Variants in LGALS9 observed in about 807,000 individuals in gnomAD.
The protein encoded by LGALS9 is galectin-9.
A neutral mutation model predicts 35.9 loss-of-function variants in LGALS9; 26 were observed. The ratio of observed to expected loss-of-function variants is 0.72; its 90% CI spans 0.53 to 1.01. The LOEUF is 1.01. Ranked by LOEUF, LGALS9 falls within the 50% of genes least tolerant of loss-of-function variation. The pLI is 0.00. For synonymous variants in LGALS9, 149 were observed against 172.2 expected, an observed-to-expected ratio of 0.87 and a Z score of 1.06; for missense variants, 347 against 445.8, an observed-to-expected ratio of 0.78 and a Z score of 1.99.
intron 3 of LGALS9, among the ~76,000 whole-genome samples, chr17:27,641,577 G>C (rs1904504445): frequency 6.6e-6 from 1 of 152,178 alleles, no homozygotes; most frequent in South Asian, 2.1e-4. Flanking sequence ...TGCTGGGCTT[G>C]ATACCAAGGT....
rs1317028295 is a variant in LGALS9, at chr17:27,647,293, G to C, written c.782G>C (p.Gly261Ala). Reference protein sequence around the residue: ...AQRFHINLCSGNHIAFHLNPR... With the variant: ...AQRFHINLCSANHIAFHLNPR... ...AGGTTCCACATCAACCTGTGCTCTG[G>C]GAACCACATCGCCTTCCACCTGAAC... is the stretch of plus-strand genomic sequence containing the variant. Residue 261 changes from glycine to alanine, a missense_variant, in exon 10 of 11, where the codon GGG (glycine) becomes GCG (alanine). Coordinates refer to ENST00000395473, the MANE Select transcript of LGALS9 (RefSeq NM_009587.3). 1 of 1,614,100 alleles carries C rather than the reference G, an allele frequency of 6.2e-7. No homozygotes were observed. The highest frequency in any genetic ancestry group is 8.5e-7 in the Non-Finnish European group (1 of 1,180,038).
At chr17:27,637,201 A>AGTT (rs2074461759) in intron 1 of LGALS9, among the ~76,000 whole-genome samples, 1 of 152,216 alleles carries the variant, frequency 6.6e-6, no homozygotes, top group Admixed American at 6.5e-5. Context: ...TGGAAGTACC[A>AGTT]GTTTGTGAAT....
chr17:27,639,743 T>G (rs1469020453), intron 2 of LGALS9, among the ~76,000 whole-genome samples: 1 of 151,724 alleles, frequency 6.6e-6, no homozygotes, highest in Non-Finnish European at 1.5e-5. Flanking sequence ...CTAATTATTA[T>G]TATTATTATT....
At chr17:27,637,783 C>A (rs1598180861) in intron 1 of LGALS9, among the ~76,000 whole-genome samples, 1 of 152,178 alleles carries the variant, frequency 6.6e-6, no homozygotes, top group Non-Finnish European at 1.5e-5. Context: ...ACCCTCCAGA[C>A]CCTTGATGGG....
chr17:27,641,783 G>A (rs1904523514), intron 3 of LGALS9, among the ~76,000 whole-genome samples: 1 of 151,970 alleles, frequency 6.6e-6, no homozygotes, highest in African/African-American at 2.4e-5. Context: ...AGACCAGCCT[G>A]GCCAACATGG....
At chr17:27,646,659 G>T (rs1382773090) in intron 8 of LGALS9, 71 bp downstream of exon 8, 41 of 1,608,046 alleles carry the variant, frequency 2.5e-5, no homozygotes, top group Non-Finnish European at 3.3e-5. Context: ...GGCCGCTGTG[G>T]GGGGATCCAC....
At position 27,648,922 on chromosome 17, in the gene LGALS9, G is replaced by A. The variant is rs762286887; in HGVS notation, c.1008G>A (p.Leu336=). The A allele has an allele frequency of 7.3e-5, 118 of 1,613,842 alleles. No homozygotes were observed. Among genetic ancestry groups the A allele is most frequent in the Middle Eastern group, 3.3e-4 (2 of 6,078 alleles). ...AATACTACCATCGCCTGAGGAACCTGCCCACCATCAACAGACTGGAAGTGG... is the reference window on the plus strand; with the variant it reads ...AATACTACCATCGCCTGAGGAACCTACCCACCATCAACAGACTGGAAGTGG... The part of the protein sequence containing the change: ...LFEYYHRLRN[L]PTINRLEVGG... Residue 336 remains leucine, a synonymous_variant, in exon 11 of 11, where the codon CTG becomes CTA. Coordinates refer to ENST00000395473, the MANE Select transcript of LGALS9 (RefSeq NM_009587.3).
intron 4 of LGALS9, among the ~76,000 whole-genome samples, chr17:27,642,741 G>C (rs1340780654): frequency 6.6e-6 from 1 of 152,102 alleles, no homozygotes; most frequent in Non-Finnish European, 1.5e-5. Flanking sequence ...ACCTCTCTCA[G>C]CCTTGGTTTC....
intron 1 of LGALS9, among the ~76,000 whole-genome samples, chr17:27,636,468 A>G (rs572498929): frequency 6.6e-6 from 1 of 152,152 alleles, no homozygotes; most frequent in South Asian, 2.1e-4. Context: ...TCTCTATAAT[A>G]TGGGAATTTG....
Position 27,643,599 on chromosome 17 carries a change from G to A in LGALS9, c.519G>A (p.Arg173=), listed in dbSNP as rs1353291736. 1 of 1,611,720 alleles carries A rather than the reference G, an allele frequency of 6.2e-7. No individual in the cohort carries two copies. ...PFSQPVCFPP[R]PRGRRQKPPG... ...CCCAGCCTGTCTGTTTCCCACCCAG[G>A]CCCAGGGGGCGCAGACAAAAAGTGA... The change falls in exon 5 of 11, where the codon AGG becomes AGA. Residue 173 remains arginine (R), a synonymous_variant. Coordinates refer to ENST00000395473, the MANE Select transcript of LGALS9 (RefSeq NM_009587.3).
chr17:27,640,295 G>T (rs1261924825), intron 2 of LGALS9: 7 of 502,218 alleles, frequency 1.4e-5, no homozygotes, highest in Non-Finnish European at 2.5e-5. Context: ...CACTTTCCAA[G>T]ACCTATGTTT....
chr17:27,636,118 G>T (rs2074448531), intron 1 of LGALS9, among the ~76,000 whole-genome samples: 2 of 152,080 alleles, frequency 1.3e-5, no homozygotes, highest in Admixed American at 6.5e-5. Context: ...CACGGTGCCA[G>T]GTGTGTACAC....
intron 5 of LGALS9, 163 bp from the exon 6 acceptor site, chr17:27,645,151 G>A (rs1904837288): frequency 6.9e-7 from 1 of 1,456,646 alleles, no homozygotes; most frequent in African/African-American, 1.4e-5. Context: ...GTAAAAATCT[G>A]GGTGCCACGG....
At chr17:27,636,269 A>G (rs1206527250) in intron 1 of LGALS9, among the ~76,000 whole-genome samples, 1 of 152,168 alleles carries the variant, frequency 6.6e-6, no homozygotes, top group Non-Finnish European at 1.5e-5. Flanking sequence ...ACGTTTTATT[A>G]TAGGAAATTC....
At chr17:27,637,846 G>A (rs568089087) in intron 1 of LGALS9, among the ~76,000 whole-genome samples, 1 of 152,154 alleles carries the variant, frequency 6.6e-6, no homozygotes, top group African/African-American at 2.4e-5. Flanking sequence ...TGGGACCTTT[G>A]CTGGGAGCTT....
At chr17:27,635,346 G>A (rs1415621809) in intron 1 of LGALS9, among the ~76,000 whole-genome samples, 1 of 151,822 alleles carries the variant, frequency 6.6e-6, no homozygotes, top group African/African-American at 2.4e-5. Flanking sequence ...AGGTTGAGGC[G>A]GGAGGATTAC....
At chr17:27,637,854 C>T (rs1443279505) in intron 1 of LGALS9, among the ~76,000 whole-genome samples, 5 of 152,122 alleles carry the variant, frequency 3.3e-5, no homozygotes, top group Admixed American at 3.3e-4. Context: ...TTGCTGGGAG[C>T]TTAGCATGGG....
At chr17:27,647,234 C>T (rs1228801488) in intron 9 of LGALS9, 36 bp from the exon 10 acceptor site, 29 of 1,613,260 alleles carry the variant, frequency 1.8e-5, no homozygotes, top group Admixed American at 1.2e-4. Flanking sequence ...ACTCAGAATT[C>T]GGTGGATAAA....
chr17:27,643,419 G>A (rs772569098), intron 4 of LGALS9, 106 bp from the exon 5 acceptor site: 8 of 1,540,576 alleles, frequency 5.2e-6, no homozygotes, highest in East Asian at 4.8e-5. Flanking sequence ...TTGCCTCATC[G>A]CCCTGCCTGC....
Sources: allele counts gnomAD v4.1 joint callset (sites outside exome capture counted in the v4.1 genomes callset), GRCh38; gene constraint gnomAD v4.1.1; transcripts MANE v1.5; gene names NCBI Gene and HGNC (gene_info 2026-07-23, HGNC 2026-07-21).